The following CDK14 variants were observed in gnomAD, a reference collection of about 807,000 sequenced individuals.
CDK14 encodes cyclin dependent kinase 14.
Under a neutral mutation model 60.7 loss-of-function variants are expected in CDK14, and 34 were observed. That is an observed-to-expected ratio of 0.56 (90% CI 0.43 to 0.75). The LOEUF (loss-of-function observed/expected upper bound fraction) is 0.75, where lower values mean the gene tolerates loss of function less well. Ranked by LOEUF, CDK14 falls within the 30% of genes least tolerant of loss-of-function variation. The probability of loss-of-function intolerance (pLI) is 0.00; values close to 1 mark genes in which losing one functional copy is unlikely to be tolerated. For missense variants in CDK14, 482 were observed against 564.1 expected, an observed-to-expected ratio of 0.85 and a Z score of 1.47; for synonymous variants, 197 against 203.7, an observed-to-expected ratio of 0.97 and a Z score of 0.28.
intron 2 of CDK14, among the ~76,000 whole-genome samples, chr7:90,641,983 C>T (rs908084146): frequency 1.3e-5 from 2 of 152,144 alleles, no homozygotes; most frequent in Non-Finnish European, 1.5e-5. Context: ...TCTTGTGAGA[C>T]TTACTCACTA....
At chr7:91,127,367 C>T (rs17163609) in intron 14 of CDK14, among the ~76,000 whole-genome samples, 7,690 of 152,094 alleles carry the variant, frequency 0.051, 395 homozygotes, top group East Asian at 0.22. Flanking sequence ...TGGGCAATTG[C>T]GGCAATTCGA....
intron 4 of CDK14, among the ~76,000 whole-genome samples, chr7:90,778,846 A>ATTCCTTCCTTCCTTCCTTCCTT (rs1554335028): frequency 7.1e-4 from 91 of 127,950 alleles, no homozygotes; most frequent in African/African-American, 2.6e-3. Context: ...AAATTGACCG[A>ATTCCTTCCTTCCTTCCTTCCTT]CCTTCCTTCC....
At chr7:90,736,344 G>GTTTTTTTTTTTTTTTTTTTTTT (rs1245652024) in intron 3 of CDK14, among the ~76,000 whole-genome samples, 1 of 41,034 alleles carries the variant, frequency 2.4e-5, no homozygotes, top group African/African-American at 9.0e-5. Context: ...ACTTTATTAT[G>GTTTTTTTTTTTTTTTTTTTTTT]TTTTTGTTTT....
chr7:90,632,553 A>C (rs1800026241), intron 2 of CDK14: 1 of 158,984 alleles, frequency 6.3e-6, no homozygotes, highest in Non-Finnish European at 1.4e-5. Context: ...AAAACAGTAA[A>C]GATAATCTGA....
chr7:90,685,467 G>A (rs912477357), intron 2 of CDK14, among the ~76,000 whole-genome samples: 1 of 151,748 alleles, frequency 6.6e-6, no homozygotes, highest in Admixed American at 6.6e-5. Context: ...GCCTGGCATT[G>A]AATTTATTTA....
chr7:90,726,413 A>T, intron 2 of CDK14, 154 bp from the exon 3 acceptor site: 3 of 1,227,062 alleles, frequency 2.4e-6, no homozygotes, highest in South Asian at 1.6e-5. Flanking sequence ...ATTTTTTTGT[A>T]CTGTAATTTA....
chr7:90,770,806 A>G (rs1804756443), intron 4 of CDK14, among the ~76,000 whole-genome samples: 1 of 152,200 alleles, frequency 6.6e-6, no homozygotes, highest in African/African-American at 2.4e-5. Context: ...GTTTAACTCA[A>G]GCCCCATCTA....
chr7:90,897,604 T>C (rs1213907459), intron 6 of CDK14, among the ~76,000 whole-genome samples: 1 of 152,098 alleles, frequency 6.6e-6, no homozygotes, highest in African/African-American at 2.4e-5. Context: ...CGTTCTTTAT[T>C]TGTCGTTCTC....
Position 90,747,787 on chromosome 7 carries a change from A to T in CDK14, c.464+12A>T. 6.8e-7 allele frequency: 1 copy of T among 1,461,386 alleles called. No homozygotes were observed. Among genetic ancestry groups the T allele is most frequent in the East Asian group, 2.5e-5 (1 of 40,272 alleles). The allele number at this position is 1,461,386 out of a possible 1,614,324, so 90.5% of individuals were successfully genotyped here. ...AAAGGGAAAAGCAAGTAAGTTCATTATTTTTGGAATATTTCACATGTACAG... is the reference window on the plus strand; with the variant it reads ...AAAGGGAAAAGCAAGTAAGTTCATTTTTTTTGGAATATTTCACATGTACAG... On this transcript the variant is annotated intron_variant, in intron 4 of 14. Transcript: ENST00000380050.
chr7:90,891,251 A>T (rs1245424666), intron 6 of CDK14, among the ~76,000 whole-genome samples: 1 of 152,168 alleles, frequency 6.6e-6, no homozygotes, highest in East Asian at 1.9e-4. Flanking sequence ...GAGTGTCTAT[A>T]ATCAGATGGC....
chr7:90,951,499 TC>T (rs1231683249), intron 8 of CDK14, among the ~76,000 whole-genome samples: 3 of 152,200 alleles, frequency 2.0e-5, no homozygotes, highest in Non-Finnish European at 4.4e-5. Context: ...TGTTGCCACT[TC>T]CTTCTCAATT....
chr7:91,027,906 C>T (rs1183211621), intron 10 of CDK14, among the ~76,000 whole-genome samples: 1 of 22,960 alleles, frequency 4.4e-5, no homozygotes, highest in Non-Finnish European at 8.5e-5. Context: ...CTCTCCCCTC[C>T]CCTGCCCTCC....
intron 6 of CDK14, among the ~76,000 whole-genome samples, chr7:90,864,487 T>G (rs1791110571): frequency 6.6e-6 from 1 of 152,178 alleles, no homozygotes; most frequent in South Asian, 2.1e-4. Context: ...TAGATTTTCT[T>G]TACTATGCTT....
intron 12 of CDK14, among the ~76,000 whole-genome samples, chr7:91,084,150 A>G (rs1015392214): frequency 6.6e-6 from 1 of 152,228 alleles, no homozygotes; most frequent in Admixed American, 6.5e-5. Flanking sequence ...AACTAGGAAT[A>G]TATGTACTCC....
At chr7:90,722,281 G>T (rs1802486930) in intron 2 of CDK14, among the ~76,000 whole-genome samples, 1 of 151,952 alleles carries the variant, frequency 6.6e-6, no homozygotes, top group Non-Finnish European at 1.5e-5. Context: ...GCAGCTCACT[G>T]CAGCTTTGCC....
At chr7:91,004,367 T>C (rs532512432) in intron 10 of CDK14, among the ~76,000 whole-genome samples, 1 of 152,360 alleles carries the variant, frequency 6.6e-6, no homozygotes, top group Admixed American at 6.5e-5. Context: ...ATAAAGTTGA[T>C]AACTTAGATG....
At chr7:90,901,905 A>G (rs968114638) in intron 7 of CDK14, among the ~76,000 whole-genome samples, 1 of 152,114 alleles carries the variant, frequency 6.6e-6, no homozygotes, top group Admixed American at 6.6e-5. Flanking sequence ...CTGATAAACT[A>G]ATTCCGTAAA....
intron 10 of CDK14, among the ~76,000 whole-genome samples, chr7:91,012,700 A>G (rs975565891): frequency 2.6e-5 from 4 of 152,180 alleles, no homozygotes; most frequent in African/African-American, 9.7e-5. Flanking sequence ...TCAGGCAGGA[A>G]GGTAAGTTCA....
intron 6 of CDK14, among the ~76,000 whole-genome samples, chr7:90,866,928 C>A (rs1443362356): frequency 6.6e-6 from 1 of 151,962 alleles, no homozygotes; most frequent in Non-Finnish European, 1.5e-5. Flanking sequence ...AATTTAGATT[C>A]TTATACAGTT....
Sources: gnomAD v4.1 joint callset for allele counts (sites outside exome capture counted in the v4.1 genomes callset) on GRCh38, gnomAD v4.1.1 for gene constraint, MANE v1.5 for transcripts, NCBI Gene and HGNC (gene_info 2026-07-23, HGNC 2026-07-21) for gene names.